The following NOL4L variants were observed in gnomAD, a reference collection of about 807,000 sequenced individuals.
NOL4L encodes the protein nucleolar protein 4 like, also known as nucleolar protein 4-like.
NOL4L carries 7 observed loss-of-function variants against 64.5 expected under a neutral mutation model. The observed-to-expected ratio is 0.11, with a 90% CI of 0.06 to 0.20. The LOEUF is 0.20. Among genes scored for constraint, NOL4L ranks in the 10% least tolerant of loss-of-function variants. The pLI is 1.00. For missense variants in NOL4L, 680 were observed against 967.1 expected, an observed-to-expected ratio of 0.70 and a Z score of 3.94; for synonymous variants, 413 against 401.0, an observed-to-expected ratio of 1.03 and a Z score of -0.36.
chr20:32,485,809 A>T (rs570444385), intron 4 of NOL4L: 16 of 469,258 alleles, frequency 3.4e-5, no homozygotes, highest in Non-Finnish European at 4.9e-5. Flanking sequence ...TTTCCCCACC[A>T]CATTTTCAGA....
At chr20:32,524,333 G>C (rs1033316120) in intron 2 of NOL4L, among the ~76,000 whole-genome samples, 1 of 152,072 alleles carries the variant, frequency 6.6e-6, no homozygotes, top group African/African-American at 2.4e-5. Context: ...GGGAATCCCT[G>C]CATTATCCAT....
In NOL4L at chr20:32,584,865, C is replaced by CGCA; in HGVS notation, c.23_25dup (p.Leu8dup). On this transcript the variant is annotated inframe_insertion, in exon 1 of 11. Transcript: ENST00000621426. ...GCTGCGCTCGCGCTCCCAGCCCCCG[C>CGCA]GCAGCAGCAGCGTCGGCTTCGGCAT... 2 of 1,412,968 alleles carry CGCA rather than the reference C, an allele frequency of 1.4e-6. No homozygotes were observed. The highest frequency in any genetic ancestry group is 1.9e-6 in the Non-Finnish European group (2 of 1,074,622). The allele number at this position is 1,412,968 out of a possible 1,614,324, so 87.5% of individuals were successfully genotyped here.
At position 32,460,242 on chromosome 20, in the gene NOL4L, C is replaced by T. The variant is rs1217054483; in HGVS notation, c.842-3847G>A. On this transcript the variant is annotated intron_variant, in intron 5 of 10. Transcript: ENST00000621426. This position sits in a 1 kb window ranked among gnomAD's most constrained non-coding sequence, Gnocchi z 5.7. ...ACCCAGACCAAAAACAGCCCCTTTG[C>T]CCTAGTTTATAGGCTCTATCTGCCA... Among the ~76,000 whole-genome samples, 1 of 152,190 alleles carries T rather than the reference C, an allele frequency of 6.6e-6. No individual in the cohort carries two copies. Among genetic ancestry groups the T allele is most frequent in the Non-Finnish European group, 1.5e-5 (1 of 68,034 alleles).
At position 32,520,880 on chromosome 20, in the gene NOL4L, G is replaced by A. The variant is rs1375094766; in HGVS notation, c.520C>T (p.Arg174Trp). Reference protein sequence around the residue: ...YAFLPREAVTRFLMSCTECQK... With the variant: ...YAFLPREAVTWFLMSCTECQK... The stretch of plus-strand genomic sequence containing the variant: ...CACTCCGTACAGCTCATCAGGAACC[G>A]GGTCACGGCCTCTCTCGGGAGGAAG... The change falls in exon 3 of 11, where the codon CGG (arginine) becomes TGG (tryptophan). Residue 174 changes from arginine to tryptophan, a missense_variant. Arg to Trp is a moderately radical substitution (Grantham distance 101). Coordinates refer to ENST00000621426, the MANE Select transcript of NOL4L (RefSeq NM_001256798.2). 1.3e-6 allele frequency: 2 copies of A among 1,550,606 alleles called. No individual in the cohort carries two copies. The highest frequency in any genetic ancestry group is 1.7e-6 in the Non-Finnish European group (2 of 1,146,962).
chr20:32,536,548 G>A (rs2018532530), intron 1 of NOL4L, among the ~76,000 whole-genome samples: 1 of 145,560 alleles, frequency 6.9e-6, no homozygotes, highest in Admixed American at 6.8e-5. Context: ...CCCCGGCGGG[G>A]AGGGGCGGGA....
chr20:32,456,741 G>C (rs926107225), intron 5 of NOL4L, among the ~76,000 whole-genome samples: 2 of 152,220 alleles, frequency 1.3e-5, no homozygotes, highest in Non-Finnish European at 2.9e-5. Context: ...GGGCCCTGGA[G>C]GCCCTCGAAG....
chr20:32,444,752 A>G lies in NOL4L; in HGVS notation c.*2844T>C, dbSNP rs191323258. On this transcript the variant is annotated 3_prime_UTR_variant, in exon 11 of 11. Coordinates refer to ENST00000621426, the MANE Select transcript of NOL4L (RefSeq NM_001256798.2). Reference sequence around the variant, plus strand: ...TTTCCTTTTTAACTTAGGATCCCAAATGATCACTTTGTGCCCTGAGGCCCT... The same window carrying G: ...TTTCCTTTTTAACTTAGGATCCCAAGTGATCACTTTGTGCCCTGAGGCCCT... 6.6e-6 allele frequency: 1 copy of G among 152,324 alleles called. No individual in the cohort carries two copies. The highest frequency in any genetic ancestry group is 1.9e-4 in the East Asian group (1 of 5,192). 9.4% of individuals were successfully genotyped at this position (152,324 alleles called of 1,614,324 possible).
intron 1 of NOL4L, among the ~76,000 whole-genome samples, chr20:32,549,518 C>T (rs1048783019): frequency 2.6e-5 from 4 of 152,060 alleles, no homozygotes; most frequent in Non-Finnish European, 4.4e-5. Context: ...TTTGAGAGGC[C>T]GAGGCAGGTG....
intron 1 of NOL4L, among the ~76,000 whole-genome samples, chr20:32,581,747 G>A (rs1016316547): frequency 2.6e-5 from 4 of 152,044 alleles, no homozygotes; most frequent in Admixed American, 6.5e-5. Context: ...CCACCCACCC[G>A]AGCACCCCAG....
At chr20:32,583,255 C>T (rs1189380569) in intron 1 of NOL4L, among the ~76,000 whole-genome samples, 4 of 151,368 alleles carry the variant, frequency 2.6e-5, no homozygotes, top group Non-Finnish European at 5.9e-5. Flanking sequence ...GAGGCGCCTC[C>T]GGATCTGCTC....
intron 5 of NOL4L, among the ~76,000 whole-genome samples, chr20:32,469,287 A>T (rs2014822227): frequency 6.6e-6 from 1 of 152,204 alleles, no homozygotes; most frequent in South Asian, 2.1e-4. Context: ...ACTTAGATAC[A>T]TAGAAAAGTC....
intron 4 of NOL4L, among the ~76,000 whole-genome samples, chr20:32,505,521 A>G (rs1031380697): frequency 6.6e-6 from 1 of 152,200 alleles, no homozygotes; most frequent in East Asian, 1.9e-4. Context: ...GTTCCAGACC[A>G]GCCCAGACAA....
intron 1 of NOL4L, among the ~76,000 whole-genome samples, chr20:32,581,262 C>T (rs1486845752): frequency 2.0e-5 from 3 of 152,174 alleles, no homozygotes; most frequent in Non-Finnish European, 4.4e-5. Flanking sequence ...CCTCGACCCC[C>T]GCCCTGCCCC....
chr20:32,547,188 T>TGGGGGAGAAAACTGCGGCCC (rs1253710562), intron 1 of NOL4L, among the ~76,000 whole-genome samples: 1 of 152,180 alleles, frequency 6.6e-6, no homozygotes, highest in Non-Finnish European at 1.5e-5. Context: ...CTCTCTTTTA[T>TGGGGGAGAAAACTGCGGCCC]GGGGGAGAAA....
At chr20:32,462,508 C>T (rs2014163279) in intron 5 of NOL4L, among the ~76,000 whole-genome samples, 1 of 152,106 alleles carries the variant, frequency 6.6e-6, no homozygotes, top group South Asian at 2.1e-4. Context: ...TGCACCTGGC[C>T]AGGAGAACGC....
intron 1 of NOL4L, chr20:32,535,679 T>A: frequency 1.0e-6 from 1 of 985,502 alleles, no homozygotes; most frequent in Non-Finnish European, 1.2e-6. Context: ...TTTGAGGATG[T>A]CATCTCCTCC....
chr20:32,534,483 C>T (rs2018447248), intron 1 of NOL4L, among the ~76,000 whole-genome samples: 1 of 152,224 alleles, frequency 6.6e-6, no homozygotes, highest in Non-Finnish European at 1.5e-5. Context: ...AATTACCCTG[C>T]ATATTAATTA....
At chr20:32,553,747 C>G (rs1568709950) in intron 1 of NOL4L, among the ~76,000 whole-genome samples, 1 of 152,182 alleles carries the variant, frequency 6.6e-6, no homozygotes. Flanking sequence ...ATGAAACTGT[C>G]ACAGACCAGA....
At chr20:32,507,343 T>A (rs1276162442) in intron 4 of NOL4L, among the ~76,000 whole-genome samples, 2 of 152,084 alleles carry the variant, frequency 1.3e-5, no homozygotes, top group Admixed American at 1.3e-4. Context: ...GAGGGTGGAG[T>A]CTAACCCCCA....
Sources: gnomAD v4.1 joint callset for allele counts (sites outside exome capture counted in the v4.1 genomes callset) on GRCh38, gnomAD v4.1.1 for gene constraint, Gnocchi (gnomAD v3.1) non-coding constraint, MANE v1.5 for transcripts, NCBI Gene and HGNC (gene_info 2026-07-23, HGNC 2026-07-21) for gene names.